Variants in PTGER3 observed in about 807,000 individuals in gnomAD.
PTGER3 encodes prostaglandin E receptor 3, also known as prostaglandin E2 receptor EP3 subtype.
Under a neutral mutation model 34.7 loss-of-function variants are expected in PTGER3, and 22 were observed. The observed-to-expected ratio is 0.63, with a 90% confidence interval of 0.45 to 0.91. The LOEUF (loss-of-function observed/expected upper bound fraction) is 0.91. Ranked by LOEUF, PTGER3 falls within the 40% of genes least tolerant of loss-of-function variation. PTGER3 has a pLI of 0.00. For missense variants in PTGER3, 468 were observed against 519.4 expected, an observed-to-expected ratio of 0.90 and a Z score of 0.96; for synonymous variants, 241 against 230.1, an observed-to-expected ratio of 1.05 and a Z score of -0.43.
At chr1:70,924,899 A>G (rs1647903157) in intron 4 of PTGER3, among the ~76,000 whole-genome samples, 1 of 152,184 alleles carries the variant, frequency 6.6e-6, no homozygotes, top group Non-Finnish European at 1.5e-5. Flanking sequence ...TTCCTGTAAC[A>G]ATATGGCTAG....
chr1:70,877,325 G>GT (rs567769391), intron 4 of PTGER3, among the ~76,000 whole-genome samples: 34 of 152,268 alleles, frequency 2.2e-4, no homozygotes, highest in Admixed American at 1.4e-3. Flanking sequence ...CTTTGCTGAA[G>GT]TTTTTTATCA....
intron 4 of PTGER3, among the ~76,000 whole-genome samples, chr1:70,924,277 C>G (rs1373081279): frequency 1.3e-5 from 2 of 152,066 alleles, no homozygotes; most frequent in African/African-American, 4.8e-5. Flanking sequence ...TACAAATAAT[C>G]AGGCCAAATA....
At chr1:70,871,843 A>G (rs930606699) in intron 4 of PTGER3, among the ~76,000 whole-genome samples, 3 of 152,098 alleles carry the variant, frequency 2.0e-5, no homozygotes, top group African/African-American at 7.2e-5. Context: ...TACTAAATCC[A>G]TATCTAGGGT....
chr1:71,047,587 G>A lies in PTGER3; in HGVS notation c.-10C>T, dbSNP rs571708329. The stretch of plus-strand genomic sequence containing the variant: ...CCCGGGTCTCCTTCATGTTGGCTTC[G>A]AGGTGAGGAGGGGATGGCGTCCAGA... On this transcript the variant is annotated 5_prime_UTR_variant, in exon 1 of 4. Transcript: ENST00000306666. 2.0e-6 allele frequency: 3 copies of A among 1,519,472 alleles called. No individual in the cohort carries two copies. The highest frequency in any genetic ancestry group is 2.7e-6 in the Non-Finnish European group (3 of 1,127,590). 94.1% of individuals were successfully genotyped at this position (1,519,472 alleles called of 1,614,324 possible).
At chr1:70,864,206 C>A (rs7528081) in intron 4 of PTGER3, among the ~76,000 whole-genome samples, 2,333 of 152,082 alleles carry the variant, frequency 0.015, 70 homozygotes, top group East Asian at 0.13. Context: ...TTATATTAGT[C>A]AAATTTTTTA....
intron 4 of PTGER3, among the ~76,000 whole-genome samples, chr1:70,929,036 A>C (rs891759869): frequency 2.6e-5 from 4 of 152,128 alleles, no homozygotes; most frequent in African/African-American, 9.7e-5. Flanking sequence ...GATTTTTCAG[A>C]ACTCCGTTTC....
intron 4 of PTGER3, among the ~76,000 whole-genome samples, chr1:70,862,758 A>G (rs963020324): frequency 4.6e-5 from 7 of 152,112 alleles, no homozygotes; most frequent in Admixed American, 2.6e-4. Flanking sequence ...GAAAGAAGGG[A>G]GTAAGAATGA....
At chr1:70,945,721 G>A (rs935373905) in intron 4 of PTGER3, among the ~76,000 whole-genome samples, 12 of 152,066 alleles carry the variant, frequency 7.9e-5, no homozygotes, top group Admixed American at 7.2e-4. Flanking sequence ...TTAAGGAAGT[G>A]CATCAATAAA....
intron 4 of PTGER3, among the ~76,000 whole-genome samples, chr1:70,938,542 T>C (rs965128593): frequency 6.6e-6 from 1 of 152,202 alleles, no homozygotes; most frequent in Admixed American, 6.6e-5. Context: ...TAGTCTGTTT[T>C]CAGGCTGCCG....
intron 2 of PTGER3, among the ~76,000 whole-genome samples, chr1:70,965,282 A>G (rs1652396240): frequency 6.6e-6 from 1 of 152,280 alleles, no homozygotes; most frequent in African/African-American, 2.4e-5. Flanking sequence ...AAGAAAAAAA[A>G]GCAGATTTTC....
intron 1 of PTGER3, among the ~76,000 whole-genome samples, chr1:71,044,837 A>G (rs1358454397): frequency 6.6e-6 from 1 of 152,148 alleles, no homozygotes; most frequent in Non-Finnish European, 1.5e-5. Context: ...TTTCCCTAGG[A>G]TATAAATCAT....
At chr1:70,904,347 G>GA (rs1646902375) in intron 4 of PTGER3, among the ~76,000 whole-genome samples, 1 of 152,192 alleles carries the variant, frequency 6.6e-6, no homozygotes, top group Admixed American at 6.5e-5. Flanking sequence ...AAAGATACCT[G>GA]AAAATGTGGA....
chr1:70,922,986 A>G (rs1311172506), intron 4 of PTGER3, among the ~76,000 whole-genome samples: 1 of 152,214 alleles, frequency 6.6e-6, no homozygotes, highest in Non-Finnish European at 1.5e-5. Context: ...AAACCTGCTT[A>G]TGATCTGACC....
intron 4 of PTGER3, among the ~76,000 whole-genome samples, chr1:70,912,999 T>G (rs1647094122): frequency 1.3e-5 from 2 of 152,062 alleles, no homozygotes; most frequent in African/African-American, 4.8e-5. Flanking sequence ...TGACATTTTC[T>G]TATGAATTTT....
rs148377491 is a variant in PTGER3 at position 71,044,829 on chromosome 1, T to C, written c.897+1852A>G. ...TCAATTGATTTAACTGCATTTTTTT[T>C]CCCTAGGATATAAATCATGTGATAC... On this transcript the variant is annotated intron_variant, in intron 1 of 3. Coordinates refer to ENST00000306666, the MANE Select transcript of PTGER3 (RefSeq NM_198719.2). Among the ~76,000 whole-genome samples the C allele has an allele frequency of 4.3e-3, 654 of 152,296 alleles. 6 individuals carry two copies. Among genetic ancestry groups the C allele is most frequent in the African/African-American group, 0.015 (627 of 41,540 alleles).
downstream of PTGER3, among the ~76,000 whole-genome samples, chr1:70,969,921 A>G (rs1287091982): frequency 6.6e-6 from 1 of 152,232 alleles, no homozygotes; most frequent in Non-Finnish European, 1.5e-5. Context: ...ATTACCCTAC[A>G]GGTAAGTACT....
At chr1:71,016,713 G>C (rs1657933380) in intron 1 of PTGER3, among the ~76,000 whole-genome samples, 1 of 151,270 alleles carries the variant, frequency 6.6e-6, no homozygotes, top group South Asian at 2.1e-4. Flanking sequence ...TGAAGCAGGA[G>C]AATCACTTGA....
intron 2 of PTGER3, among the ~76,000 whole-genome samples, chr1:70,995,563 A>G (rs1016661182): frequency 1.3e-5 from 2 of 152,222 alleles, no homozygotes; most frequent in Non-Finnish European, 2.9e-5. Flanking sequence ...ACCTAGTCTT[A>G]GTCTTTCTTT....
At chr1:70,881,061 C>G (rs558245752) in intron 4 of PTGER3, among the ~76,000 whole-genome samples, 8 of 152,300 alleles carry the variant, frequency 5.3e-5, no homozygotes, top group Non-Finnish European at 8.8e-5. Context: ...GATTTGGTCT[C>G]TTGGTCTCTT....
Sources: allele counts gnomAD v4.1 joint callset (sites outside exome capture counted in the v4.1 genomes callset), GRCh38; gene constraint gnomAD v4.1.1; transcripts MANE v1.5; gene names NCBI Gene and HGNC (gene_info 2026-07-23, HGNC 2026-07-21).